RGS12: variants seen among roughly 807,000 people sequenced by gnomAD.
The protein encoded by RGS12 is regulator of G-protein signaling 12.
RGS12 carries 66 observed loss-of-function variants against 120.1 expected under a neutral mutation model. That is an observed-to-expected ratio of 0.55 (90% CI 0.45 to 0.67). The LOEUF (loss-of-function observed/expected upper bound fraction) is 0.67. RGS12 is among the 30% of genes least tolerant of loss of function. RGS12 has a pLI of 0.00. For synonymous variants in RGS12, 827 were observed against 804.7 expected (o/e 1.03, Z -0.47); for missense variants, 1,859 against 1,957.7 (o/e 0.95, Z 0.95).
chr4:3,409,362 G>C (rs1401374876), intron 4 of RGS12, among the ~76,000 whole-genome samples: 1 of 152,266 alleles, frequency 6.6e-6, no homozygotes, highest in Non-Finnish European at 1.5e-5. Context: ...TTTCTTTCTT[G>C]ATTAGACTTT....
chr4:3,309,267 C>T (rs371540144), intron 1 of RGS12, among the ~76,000 whole-genome samples: 4 of 111,108 alleles, frequency 3.6e-5, no homozygotes, highest in East Asian at 2.7e-4. Flanking sequence ...TGAGGGGAAC[C>T]GTGTTGAGGA....
At chr4:3,364,571 C>T (rs575057796) in intron 3 of RGS12, among the ~76,000 whole-genome samples, 24 of 152,060 alleles carry the variant, frequency 1.6e-4, no homozygotes, top group Admixed American at 9.2e-4. Flanking sequence ...CCCCCGGAAA[C>T]GAGGCCAGGT....
At position 3,389,447 on chromosome 4, in the gene RGS12, G is replaced by T. The variant is rs924826037; in HGVS notation, c.2020+3010G>T. ...TGAGGTCGAGCTGGAGGGAGATGGGGCGTTGTGAAGAAATGAGAAAAGGAA... is the reference window on the plus strand; with the variant it reads ...TGAGGTCGAGCTGGAGGGAGATGGGTCGTTGTGAAGAAATGAGAAAAGGAA... On this transcript the variant is annotated intron_variant, in intron 4 of 17. Coordinates refer to ENST00000336727, the MANE Select transcript of RGS12 (RefSeq NM_001394154.1). The surrounding 1 kb of genome is among the most constrained non-coding windows in gnomAD (Gnocchi z 5.2). 6.6e-6 allele frequency among the ~76,000 whole-genome samples: 1 copy of T among 152,164 alleles called. No homozygotes were observed. The highest frequency in any genetic ancestry group is 1.5e-5 in the Non-Finnish European group (1 of 68,024).
intron 4 of RGS12, among the ~76,000 whole-genome samples, chr4:3,394,521 G>A (rs555027709): frequency 6.6e-6 from 1 of 152,194 alleles, no homozygotes; most frequent in Non-Finnish European, 1.5e-5. Flanking sequence ...AATATCTAAT[G>A]AGAATACTCT....
At chr4:3,320,501 C>G (rs910872215) in intron 2 of RGS12, among the ~76,000 whole-genome samples, 1 of 152,216 alleles carries the variant, frequency 6.6e-6, no homozygotes, top group African/African-American at 2.4e-5. Flanking sequence ...GTTTGGCTGT[C>G]AGGTGACTTG....
rs1724448293 is a variant in RGS12, at chr4:3,312,275, AT to A, written c.-101-3793del. Among the ~76,000 whole-genome samples, 11 of 152,264 alleles carry A rather than the reference AT, an allele frequency of 7.2e-5. No homozygotes were observed. The South Asian group carries it at 2.3e-3, about 32-fold the overall frequency. On this transcript the variant is annotated intron_variant, in intron 1 of 17. Coordinates refer to ENST00000336727, the MANE Select transcript of RGS12 (RefSeq NM_001394154.1). ...TTAAACTATAAGCTGAACTTATGTG[AT>A]TATTTTGGGAGGCCAAGGTGGGAGG...
rs1490790796 is a variant in RGS12, at chr4:3,366,585, G to A, written c.1999-19831G>A. ...GGCCGGGATCCACCAGGGCCGTCCC[G>A]GTTCCTGGGTGTTCCGCGCCCGTCT... On this transcript the variant is annotated intron_variant, in intron 3 of 17. Transcript: ENST00000336727. This position sits in a 1 kb window ranked among gnomAD's most constrained non-coding sequence, Gnocchi z 4.0. Among the ~76,000 whole-genome samples, 2 of 152,212 alleles carry A rather than the reference G, an allele frequency of 1.3e-5. No homozygotes were observed. The highest frequency in any genetic ancestry group is 2.9e-5 in the Non-Finnish European group (2 of 68,030).
In RGS12 at chr4:3,425,507, G is replaced by A; in HGVS notation, c.3278G>A (p.Ser1093Asn). Residue 1093 changes from serine (S) to asparagine (N), a missense_variant, in exon 14 of 18, where the codon AGT becomes AAT. By Grantham distance (46) the Ser-to-Asn change is conservative. Coordinates refer to ENST00000336727, the MANE Select transcript of RGS12 (RefSeq NM_001394154.1). ...EPLDLGAPIS[S>N]LDGQRVVLEE... ...CTGGACCTTGGCGCCCCTATATCGA[G>A]TCTGGACGGACAGCGGGTTGTCTTG... 6.2e-7 allele frequency: 1 copy of A among 1,612,192 alleles called. No individual in the cohort carries two copies. Among genetic ancestry groups the A allele is most frequent in the Admixed American group, 1.7e-5 (1 of 59,892 alleles).
At chr4:3,413,006 G>A (rs368739762) in intron 4 of RGS12, 1 of 142,684 alleles carries the variant, frequency 7.0e-6, no homozygotes, top group Non-Finnish European at 1.5e-5. Context: ...CACACTGCTC[G>A]CGTCAGGAGG....
chr4:3,438,630 G>A (rs1725040158), intron 17 of RGS12, among the ~76,000 whole-genome samples: 1 of 152,174 alleles, frequency 6.6e-6, no homozygotes, highest in Non-Finnish European at 1.5e-5. Flanking sequence ...GTCTTCCAGG[G>A]GTCCACGTGG....
chr4:3,324,868 T>C (rs954044920), intron 2 of RGS12: 2 of 152,256 alleles, frequency 1.3e-5, no homozygotes, highest in Non-Finnish European at 2.9e-5. Context: ...ATAGTGTTAT[T>C]TAATTTCTTA....
chr4:3,305,353 C>T (rs1007585365), intron 1 of RGS12, among the ~76,000 whole-genome samples: 1 of 152,192 alleles, frequency 6.6e-6, no homozygotes, highest in African/African-American at 2.4e-5. Context: ...GACCACCTGT[C>T]ACTGTGCACC....
In RGS12 at chr4:3,416,777, C is replaced by T. The variant is rs1441606240; in HGVS notation, c.2428-136C>T. ...AACTCTTAAGTACCCTCAGGGCTGG[C>T]GGGGGAAAATGGACTGAAACGATGT... On this transcript the variant is annotated intron_variant, in intron 7 of 17. Transcript: ENST00000336727. 7.0e-5 allele frequency: 53 copies of T among 761,592 alleles called. 1 individual carries two copies. The South Asian group carries it at 8.2e-4, about 12-fold the overall frequency. 47.2% of individuals were successfully genotyped at this position (761,592 alleles called of 1,614,324 possible). A position where few individuals can be genotyped will look rare whatever the true frequency, so the allele number is the denominator to read the frequency against.
At chr4:3,393,488 G>A (rs776592042) in intron 4 of RGS12, among the ~76,000 whole-genome samples, 1 of 152,190 alleles carries the variant, frequency 6.6e-6, no homozygotes, top group Middle Eastern at 3.4e-3. Context: ...AGCTCTGGAC[G>A]GTGGTTCTAC....
At chr4:3,383,498 T>C (rs1235574970) in intron 3 of RGS12, among the ~76,000 whole-genome samples, 1 of 151,800 alleles carries the variant, frequency 6.6e-6, no homozygotes. Flanking sequence ...CCCAGCTACT[T>C]AGGAGGCTGA....
chr4:3,325,119 G>A (rs1019801708), intron 2 of RGS12, among the ~76,000 whole-genome samples: 1 of 152,206 alleles, frequency 6.6e-6, no homozygotes, highest in Non-Finnish European at 1.5e-5. Flanking sequence ...AGGTCAAATA[G>A]AGAGTGGGAA....
chr4:3,355,779 A>AGTG (rs1714823334), intron 3 of RGS12, among the ~76,000 whole-genome samples: 4 of 140,350 alleles, frequency 2.9e-5, no homozygotes, highest in Non-Finnish European at 6.1e-5. Flanking sequence ...TGGGGGACAA[A>AGTG]GTGAGACCTT....
intron 17 of RGS12, among the ~76,000 whole-genome samples, chr4:3,437,401 G>A (rs1247733719): frequency 2.0e-5 from 3 of 152,194 alleles, no homozygotes; most frequent in Non-Finnish European, 4.4e-5. Flanking sequence ...CATGTGTGGT[G>A]TTGCAGGCCC....
chr4:3,316,537 A>C lies in RGS12; in HGVS notation c.367A>C (p.Lys123Gln). 1.9e-6 allele frequency: 3 copies of C among 1,614,172 alleles called. 1 individual carries two copies. Among genetic ancestry groups the C allele is most frequent in the Non-Finnish European group, 2.5e-6 (3 of 1,180,032 alleles). Residue 123 changes from lysine to glutamine, a missense_variant, in exon 2 of 18, where the codon AAG becomes CAG. By Grantham distance (53) the Lys-to-Gln change is moderately conservative (BLOSUM62 1). This residue lies in a region of RGS12 where 967 missense variants were observed against 994.2 expected (regional missense o/e 0.97). Coordinates refer to ENST00000336727, the MANE Select transcript of RGS12 (RefSeq NM_001394154.1). ...LYEGKGWLKP[K>Q]LDSKALGINR... ...TGAAGGAAAAGGCTGGCTGAAGCCC[A>C]AGCTGGATTCTAAAGCACTAGGTAT...
Sources: gnomAD v4.1 joint callset for allele counts (sites outside exome capture counted in the v4.1 genomes callset) on GRCh38, gnomAD v4.1.1 for gene constraint, gnomAD v4.1.1 regional missense constraint, Gnocchi (gnomAD v3.1) non-coding constraint, MANE v1.5 for transcripts, NCBI Gene and HGNC (gene_info 2026-07-23, HGNC 2026-07-21) for gene names.